CHD5: variants seen among roughly 807,000 people sequenced by gnomAD.
CHD5 encodes chromodomain helicase DNA binding protein 5.
CHD5 carries 69 observed loss-of-function variants against 230.3 expected under a neutral mutation model. That is an observed-to-expected ratio of 0.30 (90% CI 0.25 to 0.37). The LOEUF (loss-of-function observed/expected upper bound fraction) is 0.37, where lower values mean the gene tolerates loss of function less well. CHD5 is among the 10% of genes least tolerant of loss of function. The probability of loss-of-function intolerance (pLI) is 1.00; values close to 1 mark genes in which losing one functional copy is unlikely to be tolerated. For missense variants in CHD5, 1,827 were observed against 2,622.8 expected (o/e 0.70, Z 6.63); for synonymous variants, 1,064 against 1,065.9 (o/e 1.00, Z 0.03).
chr1:6,127,099 G>T, intron 25 of CHD5: 1 of 287,962 alleles, frequency 3.5e-6, no homozygotes, highest in Middle Eastern at 1.2e-3. Context: ...TGCACGGAGG[G>T]TGGGGAGCAG....
chr1:6,124,658 G>A lies in CHD5; in HGVS notation c.4398C>T (p.Ala1466=). The A allele has an allele frequency of 9.5e-7, 1 of 1,054,684 alleles. No homozygotes were observed. The highest frequency in any genetic ancestry group is 1.3e-6 in the Non-Finnish European group (1 of 745,932). The allele number at this position is 1,054,684 out of a possible 1,614,324, so 65.3% of individuals were successfully genotyped here. A position where few individuals can be genotyped will look rare whatever the true frequency, so the allele number is the denominator to read the frequency against. ...GGTGCCGCATGAAGAGGGACACATA[G>A]GCTCTGGGGTGGGGGGGGGGGACTG... ...LRGKSEKEFR[A]YVSLFMRHLC... Residue 1466 remains alanine, a synonymous_variant, in exon 30 of 42, where the codon GCC becomes GCT. Transcript: ENST00000262450.
At chr1:6,158,999 T>A in intron 3 of CHD5, among the ~76,000 whole-genome samples, 1 of 72,556 alleles carries the variant, frequency 1.4e-5, no homozygotes, top group South Asian at 6.7e-4. Context: ...AGAGCGAGAC[T>A]CCGTCTCAAA....
chr1:6,150,955 G>A (rs1439782767), intron 7 of CHD5, 77 bp downstream of exon 7: 38 of 1,403,046 alleles, frequency 2.7e-5, no homozygotes, highest in South Asian at 1.5e-4. Context: ...GCCGAGAACC[G>A]TCCAGATGGG....
intron 20 of CHD5, among the ~76,000 whole-genome samples, chr1:6,132,278 T>C (rs1228831530): frequency 6.6e-6 from 1 of 152,210 alleles, no homozygotes; most frequent in Non-Finnish European, 1.5e-5. Flanking sequence ...GATATAAAAC[T>C]ATCAGCACAC....
chr1:6,115,021 A>T (rs569229235), intron 33 of CHD5, among the ~76,000 whole-genome samples: 2 of 151,880 alleles, frequency 1.3e-5, no homozygotes, highest in African/African-American at 2.4e-5. Context: ...CTCAAAAAAA[A>T]AAAAGGGGGG....
At chr1:6,127,936 G>C (rs1254774278) in intron 25 of CHD5, 110 bp downstream of exon 25, 4 of 963,996 alleles carry the variant, frequency 4.1e-6, no homozygotes, top group Non-Finnish European at 6.1e-6. Context: ...AGCTTGGAGG[G>C]CTGGCTGCGG....
rs371357856 is a variant in CHD5, at chr1:6,126,548, C to T, written c.4078+24G>A. On this transcript the variant is annotated intron_variant, in intron 26 of 41. Coordinates refer to ENST00000262450, the MANE Select transcript of CHD5 (RefSeq NM_015557.3). This position sits in a 1 kb window ranked among gnomAD's most constrained non-coding sequence, Gnocchi z 5.7. The stretch of plus-strand genomic sequence containing the variant: ...CCCTCCGCCTCTGGGTGAGGGGCAC[C>T]AGTCCCTCCCTCCCGGCACGCACCC... 17 of 1,610,240 alleles carry T rather than the reference C, an allele frequency of 1.1e-5. No individual in the cohort carries two copies. In the African/African-American group the frequency reaches 2.1e-4, roughly 20 times the overall value.
At chr1:6,172,851 G>C (rs11808710) in intron 1 of CHD5, among the ~76,000 whole-genome samples, 1 of 151,978 alleles carries the variant, frequency 6.6e-6, no homozygotes, top group Non-Finnish European at 1.5e-5. Context: ...CCTCTGGGGA[G>C]GGGCAGCAGC....
At chr1:6,179,642 C>A (rs1667482218) in intron 1 of CHD5, among the ~76,000 whole-genome samples, 1 of 149,858 alleles carries the variant, frequency 6.7e-6, no homozygotes, top group African/African-American at 2.4e-5. Flanking sequence ...CCTGACAGCG[C>A]CGCGCCCCCC....
At chr1:6,172,735 T>C (rs1571175268) in intron 1 of CHD5, among the ~76,000 whole-genome samples, 1 of 151,916 alleles carries the variant, frequency 6.6e-6, no homozygotes, top group Non-Finnish European at 1.5e-5. Flanking sequence ...TGGTCTGTGG[T>C]CTGGCAGGTC....
At chr1:6,156,535 C>CAA (rs1225146962) in intron 3 of CHD5, among the ~76,000 whole-genome samples, 13 of 63,650 alleles carry the variant, frequency 2.0e-4, no homozygotes, top group East Asian at 1.2e-3. Flanking sequence ...GATTCTGTCT[C>CAA]AAAAAAAAAA....
Position 6,142,343 on chromosome 1 carries a change from C to G in CHD5, c.2236-15G>C. On this transcript the variant is annotated splice_polypyrimidine_tract_variant and intron_variant, in intron 14 of 41. Coordinates refer to ENST00000262450, the MANE Select transcript of CHD5 (RefSeq NM_015557.3). The surrounding 1 kb of genome is among the most constrained non-coding windows in gnomAD (Gnocchi z 5.2). ...TTGGAGTGGCCCTGGAGAGAGAGGC[C>G]GATGCCGTGAGACCACCTGCCCTTG... 2 of 1,597,954 alleles carry G rather than the reference C, an allele frequency of 1.3e-6. No homozygotes were observed. Among genetic ancestry groups the G allele is most frequent in the Non-Finnish European group, 1.7e-6 (2 of 1,167,558 alleles).
Position 6,136,554 on chromosome 1 carries a change from A to G in CHD5, c.2659T>C (p.Phe887Leu). The G allele has an allele frequency of 6.2e-7, 1 of 1,613,994 alleles. No individual in the cohort carries two copies. The highest frequency in any genetic ancestry group is 8.5e-7 in the Non-Finnish European group (1 of 1,179,928). Residue 887 changes from phenylalanine (F) to leucine (L), a missense_variant, in exon 17 of 42, where the codon TTC becomes CTC. Phe to Leu is a conservative substitution (Grantham distance 22, BLOSUM62 0). Around this residue, in one of 14 missense-constraint regions of CHD5, gnomAD observed 52 missense variants for 164.5 expected, o/e 0.32. Coordinates refer to ENST00000262450, the MANE Select transcript of CHD5 (RefSeq NM_015557.3). ...TPLQNNLEEL[F>L]HLLNFLTPER... The stretch of plus-strand genomic sequence containing the variant: ...GGAGTCAGGAAGTTGAGGAGATGGA[A>G]CAGCTCCTCCAGGTTGTTCTGAAGG...
intron 36 of CHD5, 56 bp downstream of exon 36, chr1:6,111,719 C>G: frequency 7.1e-7 from 1 of 1,403,756 alleles, no homozygotes; most frequent in African/African-American, 1.4e-5. Context: ...GGGCTCTCCC[C>G]GAGGTCCACG....
chr1:6,111,745 C>A, intron 36 of CHD5, 30 bp downstream of exon 36: 2 of 1,586,722 alleles, frequency 1.3e-6, no homozygotes, highest in Non-Finnish European at 8.7e-7. Context: ...ACGGGCAAGT[C>A]CCTGCCCAGC....
chr1:6,116,332 C>T (rs1666378771), intron 33 of CHD5, among the ~76,000 whole-genome samples: 1 of 152,064 alleles, frequency 6.6e-6, no homozygotes, highest in East Asian at 1.9e-4. Flanking sequence ...ACAAAATAAA[C>T]ATAATGAGGG....
At chr1:6,174,966 G>A (rs948020705) in intron 1 of CHD5, among the ~76,000 whole-genome samples, 95 of 131,812 alleles carry the variant, frequency 7.2e-4, no homozygotes, top group Non-Finnish European at 1.3e-3. Context: ...GATGGATGGT[G>A]GATGAAGGAT....
rs1365039028 is a variant in CHD5, at chr1:6,154,779, G to A, written c.626C>T (p.Ala209Val). The A allele has an allele frequency of 5.0e-6, 8 of 1,613,136 alleles. No individual in the cohort carries two copies. Among genetic ancestry groups the A allele is most frequent in the Non-Finnish European group, 3.4e-6 (4 of 1,179,856 alleles). Residue 209 changes from alanine to valine, a missense_variant, in exon 5 of 42, where the codon GCG becomes GTG. Physicochemically the swap from Ala to Val is moderately conservative, Grantham distance 64. Around this residue, in one of 14 missense-constraint regions of CHD5, gnomAD observed 657 missense variants for 816.4 expected, o/e 0.80. Coordinates refer to ENST00000262450, the MANE Select transcript of CHD5 (RefSeq NM_015557.3). The surrounding 1 kb of genome is among the most constrained non-coding windows in gnomAD (Gnocchi z 7.0). ...TACAGCCGCAGCCACCGCCGCCGCC[G>A]CTGCTGCCGCGGAGCTGCCCTTGAA... Reference protein sequence around the residue: ...NPFKGSSAAAAAAAVAAAVET... With the variant: ...NPFKGSSAAAVAAAVAAAVET...
Position 6,121,225 on chromosome 1 carries a change from C to T in CHD5, c.4792G>A (p.Ala1598Thr), listed in dbSNP as rs761874883. The T allele has an allele frequency of 1.4e-4, 220 of 1,611,272 alleles. No homozygotes were observed. Among genetic ancestry groups the T allele is most frequent in the East Asian group, 1.8e-4 (8 of 44,884 alleles). ...QPLEVQALPAALDRVESEDKH... is the reference protein window; with the variant it reads ...QPLEVQALPATLDRVESEDKH... ...TCCTCACTCTCCACTCTATCCAAGG[C>T]GGCTGGAAGGGCCTGCAGAGGAAAA... The change falls in exon 33 of 42, where the codon GCC (alanine) becomes ACC (threonine). Residue 1598 changes from alanine (A) to threonine (T), a missense_variant. Ala to Thr is a moderately conservative substitution (Grantham distance 58). Transcript: ENST00000262450. This position sits in a 1 kb window ranked among gnomAD's most constrained non-coding sequence, Gnocchi z 4.5.
Sources: gnomAD v4.1 joint callset for allele counts (sites outside exome capture counted in the v4.1 genomes callset) on GRCh38, gnomAD v4.1.1 for gene constraint, gnomAD v4.1.1 regional missense constraint, Gnocchi (gnomAD v3.1) non-coding constraint, MANE v1.5 for transcripts, NCBI Gene and HGNC (gene_info 2026-07-23, HGNC 2026-07-21) for gene names.